GULP1: variants seen among roughly 807,000 people sequenced by gnomAD.
GULP1 encodes PTB domain-containing engulfment adapter protein 1.
Under a neutral mutation model 40.9 loss-of-function variants are expected in GULP1, and 19 were observed. The observed-to-expected ratio is 0.46, with a 90% CI of 0.32 to 0.68. The LOEUF is 0.68. Ranked by LOEUF, GULP1 falls within the 30% of genes least tolerant of loss-of-function variation. The pLI, the probability that GULP1 is intolerant of heterozygous loss-of-function variation, is 0.03. For missense variants in GULP1, 312 were observed against 362.2 expected (o/e 0.86, Z 1.12); for synonymous variants, 119 against 117.6 (o/e 1.01, Z -0.08).
chr2:188,526,453 A>T (rs1686179091), intron 5 of GULP1, among the ~76,000 whole-genome samples: 1 of 152,170 alleles, frequency 6.6e-6, no homozygotes, highest in Admixed American at 6.5e-5. Flanking sequence ...AATAGGGAGA[A>T]AATAGAATAT....
chr2:188,589,755 G>A (rs750085517), intron 11 of GULP1: 1 of 1,372,824 alleles, frequency 7.3e-7, no homozygotes. Context: ...GAGATGGTTG[G>A]TATATTATTT....
intron 2 of GULP1, among the ~76,000 whole-genome samples, chr2:188,467,158 A>G (rs1252377465): frequency 3.3e-5 from 5 of 152,114 alleles, no homozygotes; most frequent in Admixed American, 3.3e-4. Flanking sequence ...AAGTCTCATT[A>G]TTTTCAAGAA....
chr2:188,571,405 T>G (rs1174814852), intron 9 of GULP1, among the ~76,000 whole-genome samples: 1 of 152,176 alleles, frequency 6.6e-6, no homozygotes, highest in Non-Finnish European at 1.5e-5. Flanking sequence ...TGATTTTTCC[T>G]GTAAACTCAC....
chr2:188,343,361 C>T (rs2043212821), intron 1 of GULP1, among the ~76,000 whole-genome samples: 1 of 151,576 alleles, frequency 6.6e-6, no homozygotes, highest in Non-Finnish European at 1.5e-5. Context: ...TTTTTTTTTA[C>T]ACAAAATTAA....
intron 6 of GULP1, among the ~76,000 whole-genome samples, chr2:188,530,534 A>G (rs114006405): frequency 3.9e-4 from 60 of 152,266 alleles, no homozygotes; most frequent in African/African-American, 1.1e-3. Flanking sequence ...ATGAGATTTT[A>G]AGGGTGGGGC....
At position 188,595,312 on chromosome 2, in the gene GULP1, G is replaced by A. The variant is rs1270850600; in HGVS notation, c.*1301G>A. ...TAATGAAAATGTGACTTAGAGTAGG[G>A]GTAGCCCTCAAAAATAGATTTATCA... On this transcript the variant is annotated 3_prime_UTR_variant, in exon 12 of 12. Coordinates refer to ENST00000409830, the MANE Select transcript of GULP1 (RefSeq NM_016315.4). The A allele has an allele frequency of 6.6e-6, 1 of 151,556 alleles. No individual in the cohort carries two copies. The highest frequency in any genetic ancestry group is 2.4e-5 in the African/African-American group (1 of 41,334). The allele number at this position is 151,556 out of a possible 1,614,324, so 9.4% of individuals were successfully genotyped here. A position where few individuals can be genotyped will look rare whatever the true frequency, so the allele number is the denominator to read the frequency against.
chr2:188,420,655 C>T (rs920458174), intron 2 of GULP1, among the ~76,000 whole-genome samples: 1 of 152,184 alleles, frequency 6.6e-6, no homozygotes, highest in South Asian at 2.1e-4. Context: ...AGAGGGGACC[C>T]AAAAGTGGGT....
At chr2:188,553,224 A>G (rs1693937663) in intron 7 of GULP1, among the ~76,000 whole-genome samples, 1 of 151,944 alleles carries the variant, frequency 6.6e-6, no homozygotes, top group Non-Finnish European at 1.5e-5. Context: ...CGTGTTGAAT[A>G]GGAGTGATGA....
intron 1 of GULP1, among the ~76,000 whole-genome samples, chr2:188,301,360 C>G (rs141878124): frequency 2.9e-4 from 44 of 152,254 alleles, no homozygotes; most frequent in Admixed American, 2.9e-3. Flanking sequence ...TTGGGTTAAA[C>G]CAGGTGTGAT....
intron 9 of GULP1, among the ~76,000 whole-genome samples, chr2:188,578,134 T>G (rs2153449927): frequency 6.6e-6 from 1 of 152,196 alleles, no homozygotes; most frequent in South Asian, 2.1e-4. Flanking sequence ...TTATTGCCAG[T>G]GCAATTAACA....
chr2:188,379,528 A>G (rs972092181), intron 1 of GULP1, among the ~76,000 whole-genome samples: 8 of 152,174 alleles, frequency 5.3e-5, no homozygotes, highest in African/African-American at 1.9e-4. Context: ...ACACATTTCC[A>G]AGAAGTAATT....
At chr2:188,513,676 A>G (rs1215077523) in intron 4 of GULP1, among the ~76,000 whole-genome samples, 1 of 152,146 alleles carries the variant, frequency 6.6e-6, no homozygotes, top group Non-Finnish European at 1.5e-5. Context: ...TCATAAATAA[A>G]CAGAAAAACC....
At chr2:188,524,710 C>A (rs899641932) in intron 5 of GULP1, among the ~76,000 whole-genome samples, 1 of 150,352 alleles carries the variant, frequency 6.7e-6, no homozygotes, top group Non-Finnish European at 1.5e-5. Flanking sequence ...TCGCAATGGC[C>A]AGTAGGTGGT....
rs1184293567 is a variant in GULP1 at position 188,528,989 on chromosome 2, C to A, written c.163-108C>A. ...AAATGCTTTATACTTGGCAAAAATTCACTTAATTAAAGTCTGAAATTGAAT... is the reference window on the plus strand; with the variant it reads ...AAATGCTTTATACTTGGCAAAAATTAACTTAATTAAAGTCTGAAATTGAAT... On this transcript the variant is annotated intron_variant, in intron 5 of 11. Transcript: ENST00000409830. 5.0e-6 allele frequency: 3 copies of A among 596,040 alleles called. No homozygotes were observed. The East Asian group carries it at 9.6e-5, about 19-fold the overall frequency. The allele number at this position is 596,040 out of a possible 1,614,324, so 36.9% of individuals were successfully genotyped here. A position where few individuals can be genotyped will look rare whatever the true frequency, so the allele number is the denominator to read the frequency against.
chr2:188,593,684 A>T, intron 11 of GULP1: 1 of 260,638 alleles, frequency 3.8e-6, no homozygotes, highest in Non-Finnish European at 7.2e-6. Context: ...CTTTATCTTA[A>T]TTTTATGTTT....
At chr2:188,396,065 T>C (rs1156731860) in intron 2 of GULP1, among the ~76,000 whole-genome samples, 1 of 152,234 alleles carries the variant, frequency 6.6e-6, no homozygotes, top group East Asian at 1.9e-4. Context: ...TGTGTTATTC[T>C]GCCTGCAGAT....
At chr2:188,571,848 A>G (rs919768099) in intron 9 of GULP1, among the ~76,000 whole-genome samples, 2 of 152,222 alleles carry the variant, frequency 1.3e-5, no homozygotes, top group African/African-American at 4.8e-5. Flanking sequence ...TCTGGAATTC[A>G]TCACATATGA....
chr2:188,340,948 T>C (rs1340653360), intron 1 of GULP1, among the ~76,000 whole-genome samples: 2 of 152,178 alleles, frequency 1.3e-5, no homozygotes, highest in East Asian at 3.9e-4. Flanking sequence ...GACATTCAGC[T>C]GTTTCTTCTT....
chr2:188,355,871 A>G (rs1444275420), intron 1 of GULP1, among the ~76,000 whole-genome samples: 1 of 152,090 alleles, frequency 6.6e-6, no homozygotes, highest in Non-Finnish European at 1.5e-5. Context: ...GAATGCAAGA[A>G]TGGTTCAATA....
Sources: allele counts gnomAD v4.1 joint callset (sites outside exome capture counted in the v4.1 genomes callset), GRCh38; gene constraint gnomAD v4.1.1; transcripts MANE v1.5; gene names NCBI Gene and HGNC (gene_info 2026-07-23, HGNC 2026-07-21).